THADA: variants seen among roughly 807,000 people sequenced by gnomAD.
THADA encodes THADA armadillo repeat containing.
Under a neutral mutation model 219.8 loss-of-function variants are expected in THADA, and 213 were observed. The ratio of observed to expected loss-of-function variants is 0.97; its 90% CI spans 0.87 to 1.09. The LOEUF is 1.09. Among genes scored for constraint, THADA ranks in the 50% least tolerant of loss-of-function variants. The pLI is 0.00. For synonymous variants in THADA, 1,018 were observed against 828.9 expected (o/e 1.23, Z -3.92); for missense variants, 2,956 against 2,311.3 (o/e 1.28, Z -5.72).
chr2:43,414,372 T>G (rs1676681466), intron 28 of THADA, among the ~76,000 whole-genome samples: 1 of 152,242 alleles, frequency 6.6e-6, no homozygotes, highest in Non-Finnish European at 1.5e-5. Context: ...AGTCATTCAT[T>G]GGTTGATACT....
intron 24 of THADA, among the ~76,000 whole-genome samples, chr2:43,502,898 A>G (rs1689188793): frequency 6.6e-6 from 1 of 152,174 alleles, no homozygotes; most frequent in South Asian, 2.1e-4. Context: ...GGGACAAATA[A>G]CCAATATTAA....
chr2:43,370,792 T>C (rs970447830), intron 29 of THADA, among the ~76,000 whole-genome samples: 3 of 152,222 alleles, frequency 2.0e-5, no homozygotes, highest in African/African-American at 7.2e-5. Flanking sequence ...ATGGTCTGAA[T>C]AATGAGATTC....
intron 31 of THADA, among the ~76,000 whole-genome samples, chr2:43,297,514 C>A (rs1345985688): frequency 8.5e-6 from 1 of 118,284 alleles, no homozygotes; most frequent in East Asian, 2.2e-4. Flanking sequence ...GTCAGCCCCC[C>A]CGCCCGGCCA....
intron 12 of THADA, 29 bp downstream of exon 12, chr2:43,572,785 T>C (rs1340922871): frequency 2.7e-5 from 44 of 1,605,832 alleles, no homozygotes; most frequent in Non-Finnish European, 3.7e-5. Flanking sequence ...CTACTGCATG[T>C]ACAAATCCAG....
At chr2:43,251,353 T>C (rs1391718906) in intron 36 of THADA, among the ~76,000 whole-genome samples, 1 of 152,212 alleles carries the variant, frequency 6.6e-6, no homozygotes, top group Non-Finnish European at 1.5e-5. Flanking sequence ...AGGGAGGCTA[T>C]ACCCTGACAT....
intron 29 of THADA, among the ~76,000 whole-genome samples, chr2:43,345,271 A>C (rs1466151852): frequency 1.3e-5 from 2 of 152,226 alleles, no homozygotes; most frequent in Non-Finnish European, 2.9e-5. Context: ...GGAAGGGGGT[A>C]ATGAGAAACA....
rs972921221 is a variant in THADA at position 43,578,154 on chromosome 2, AT to A, written c.816+358del. The stretch of plus-strand genomic sequence containing the variant: ...ATTCACTTCTTTAAAAATATTTTTA[AT>A]TTTTTTTTTTTTTAAGAGACAAGGT... On this transcript the variant is annotated intron_variant, in intron 9 of 37. Coordinates refer to ENST00000405975, the MANE Select transcript of THADA (RefSeq NM_022065.5). Among the ~76,000 whole-genome samples the A allele has an allele frequency of 2.6e-3, 383 of 144,930 alleles. 1 individual carries two copies. The highest frequency in any genetic ancestry group is 7.1e-3 in the Middle Eastern group (2 of 282).
intron 36 of THADA, among the ~76,000 whole-genome samples, chr2:43,260,055 C>T (rs935913835): frequency 5.3e-5 from 8 of 152,158 alleles, no homozygotes; most frequent in African/African-American, 9.7e-5. Flanking sequence ...ATGATCTCAG[C>T]TCACTGCAGC....
At chr2:43,346,248 A>T (rs1205497967) in intron 29 of THADA, among the ~76,000 whole-genome samples, 1 of 152,170 alleles carries the variant, frequency 6.6e-6, no homozygotes, top group Non-Finnish European at 1.5e-5. Flanking sequence ...TTTTTGAGAT[A>T]TTTTTCTTTA....
At chr2:43,594,311 G>A (rs1032958345) in intron 1 of THADA, among the ~76,000 whole-genome samples, 2 of 152,162 alleles carry the variant, frequency 1.3e-5, no homozygotes, top group African/African-American at 2.4e-5. Context: ...CAGGAGTGGG[G>A]GCTCGTGCCT....
At chr2:43,336,043 G>A (rs1464167999) in intron 30 of THADA, among the ~76,000 whole-genome samples, 2 of 151,714 alleles carry the variant, frequency 1.3e-5, no homozygotes, top group African/African-American at 4.8e-5. Context: ...CTTGCAGTGA[G>A]CTGAGATCAT....
intron 22 of THADA, among the ~76,000 whole-genome samples, chr2:43,515,852 G>A (rs1199622820): frequency 1.3e-5 from 2 of 152,058 alleles, no homozygotes; most frequent in Non-Finnish European, 2.9e-5. Flanking sequence ...CTTCAACAAA[G>A]TACACCTAAA....
At chr2:43,428,596 C>A (rs1351735727) in intron 27 of THADA, among the ~76,000 whole-genome samples, 1 of 152,128 alleles carries the variant, frequency 6.6e-6, no homozygotes, top group African/African-American at 2.4e-5. Context: ...CACAGTGAGA[C>A]TCCATTTCAA....
chr2:43,323,965 C>G (rs1414933090), intron 30 of THADA, among the ~76,000 whole-genome samples: 4 of 152,202 alleles, frequency 2.6e-5, no homozygotes, highest in Non-Finnish European at 5.9e-5. Context: ...AAGAGGAAGG[C>G]TGGTCAGGCT....
At chr2:43,528,126 C>CTTTTTTTTTT (rs367822642) in intron 21 of THADA, 138 bp from the exon 22 acceptor site, 2 of 158,418 alleles carry the variant, frequency 1.3e-5, no homozygotes, top group Non-Finnish European at 2.3e-5. Context: ...ATGTTTTAAG[C>CTTTTTTTTTT]TTTTTTTTTT....
chr2:43,593,567 C>A (rs1701805731), intron 1 of THADA, among the ~76,000 whole-genome samples: 1 of 151,788 alleles, frequency 6.6e-6, no homozygotes, highest in African/African-American at 2.4e-5. Flanking sequence ...AGAACAAGAG[C>A]CTTAAAACAG....
chr2:43,300,453 G>A (rs984947306), intron 31 of THADA, among the ~76,000 whole-genome samples: 1 of 152,086 alleles, frequency 6.6e-6, no homozygotes, highest in Non-Finnish European at 1.5e-5. Context: ...AGGTCACTAA[G>A]GAAAAGGTAG....
At chr2:43,324,978 C>T (rs949200726) in intron 30 of THADA, among the ~76,000 whole-genome samples, 8 of 152,182 alleles carry the variant, frequency 5.3e-5, no homozygotes, top group African/African-American at 1.7e-4. Flanking sequence ...CAGCACTATG[C>T]GGACGAAGTT....
At chr2:43,426,991 C>T (rs901072931) in intron 28 of THADA, among the ~76,000 whole-genome samples, 7 of 152,088 alleles carry the variant, frequency 4.6e-5, no homozygotes, top group African/African-American at 7.2e-5. Context: ...AATCAGAAGA[C>T]GGCAAATGCC....
Sources: gnomAD v4.1 joint callset for allele counts (sites outside exome capture counted in the v4.1 genomes callset) on GRCh38, gnomAD v4.1.1 for gene constraint, MANE v1.5 for transcripts, NCBI Gene and HGNC (gene_info 2026-07-23, HGNC 2026-07-21) for gene names.